The following CNRIP1 variants were observed in gnomAD, a reference collection of about 807,000 sequenced individuals.
CNRIP1 encodes CB1 cannabinoid receptor-interacting protein 1.
A neutral mutation model predicts 15.2 loss-of-function variants in CNRIP1; 10 were observed. The ratio of observed to expected loss-of-function variants is 0.66; its 90% confidence interval spans 0.41 to 1.12. The LOEUF (loss-of-function observed/expected upper bound fraction) is 1.12. CNRIP1 is among the 50% of genes most tolerant of loss of function. The pLI is 0.00. For synonymous variants in CNRIP1, 91 were observed against 83.2 expected (o/e 1.09, Z -0.51); for missense variants, 211 against 214.7 (o/e 0.98, Z 0.11).
At chr2:68,290,660 CAT>C (rs1224471267), downstream of CNRIP1, among the ~76,000 whole-genome samples, 4 of 152,192 alleles carry the variant, frequency 2.6e-5, no homozygotes, top group Non-Finnish European at 4.4e-5. Context: ...GATCACCCCA[CAT>C]GTTAGAATTG....
chr2:68,319,511 G>T lies in CNRIP1; in HGVS notation c.-111C>A. On this transcript the variant is annotated 5_prime_UTR_variant, in exon 1 of 3. Coordinates refer to ENST00000263655, the MANE Select transcript of CNRIP1 (RefSeq NM_015463.3). ...GAGGAAGCGCGGGGAGGGTGAGGGA[G>T]GTGGTGGAGCTGAGGCTGCCGCTAG... The T allele has an allele frequency of 8.5e-7, 1 of 1,182,554 alleles. No homozygotes were observed. The highest frequency in any genetic ancestry group is 1.1e-6 in the Non-Finnish European group (1 of 883,260). The allele number at this position is 1,182,554 out of a possible 1,614,324, so 73.3% of individuals were successfully genotyped here. A position where few individuals can be genotyped will look rare whatever the true frequency, so the allele number is the denominator to read the frequency against.
chr2:68,319,326 G>C lies in CNRIP1; in HGVS notation c.75C>G (p.Tyr25Ter). The change falls in exon 1 of 3, where the codon TAC becomes TAG. Residue 25 changes from tyrosine (Y) to a stop codon, truncating the protein, a stop_gained. Coordinates refer to ENST00000263655, the MANE Select transcript of CNRIP1 (RefSeq NM_015463.3). LOFTEE classifies it high-confidence loss of function. ...RIQPNDGPVF[Y>*]KVDGQRFGQN... ...GGCCGAAGCGCTGCCCGTCCACCTT[G>C]TAAAAGACCGGGCCGTCATTAGGCT... 1.9e-6 allele frequency: 3 copies of C among 1,566,974 alleles called. No homozygotes were observed. Among genetic ancestry groups the C allele is most frequent in the Non-Finnish European group, 1.7e-6 (2 of 1,155,650 alleles).
intron 2 of CNRIP1, among the ~76,000 whole-genome samples, chr2:68,285,101 G>A (rs756718732): frequency 1.2e-4 from 19 of 152,114 alleles, no homozygotes; most frequent in Non-Finnish European, 2.5e-4. Context: ...ACAAGTTCAC[G>A]CCAACTCATT....
downstream of CNRIP1, among the ~76,000 whole-genome samples, chr2:68,288,905 G>A (rs568190984): frequency 3.5e-4 from 53 of 152,282 alleles, no homozygotes; most frequent in African/African-American, 7.9e-4. Context: ...GGAGCTTTAC[G>A]TATGATATAT....
intron 2 of CNRIP1, among the ~76,000 whole-genome samples, chr2:68,285,310 C>T (rs998108528): frequency 1.4e-5 from 2 of 145,132 alleles, no homozygotes; most frequent in African/African-American, 5.1e-5. Context: ...CCAAGATAGA[C>T]AAGCTCCAAA....
At chr2:68,297,567 C>CAAAAAAAAAAAAAAAAAAAAAAAA (rs112601365) in intron 2 of CNRIP1, among the ~76,000 whole-genome samples, 1 of 98,870 alleles carries the variant, frequency 1.0e-5, no homozygotes, top group South Asian at 3.0e-4. Flanking sequence ...GACACTGTCT[C>CAAAAAAAAAAAAAAAAAAAAAAAA]AAAAAAAAAA....
At chr2:68,312,389 C>A (rs2103682522) in intron 2 of CNRIP1, among the ~76,000 whole-genome samples, 1 of 152,016 alleles carries the variant, frequency 6.6e-6, no homozygotes, top group African/African-American at 2.4e-5. Context: ...TACAGAAAAA[C>A]TATTTGAAAA....
chr2:68,284,373 G>GTA, exon 3 of CNRIP1: 1 of 1,053,910 alleles, frequency 9.5e-7, no homozygotes. Flanking sequence ...CAAATAATTT[G>GTA]GAAAAAAAAA....
At chr2:68,308,928 G>A (rs1007000048) in intron 2 of CNRIP1, among the ~76,000 whole-genome samples, 1 of 151,840 alleles carries the variant, frequency 6.6e-6, no homozygotes, top group Non-Finnish European at 1.5e-5. Flanking sequence ...GTCCGAAAAA[G>A]GAGTTAAATC....
intron 2 of CNRIP1, among the ~76,000 whole-genome samples, chr2:68,315,564 AAATAC>A (rs1401686003): frequency 2.7e-5 from 4 of 150,810 alleles, no homozygotes; most frequent in Non-Finnish European, 5.9e-5. Context: ...TACATTCATA[AAATAC>A]AATACCCATA....
chr2:68,318,751 C>T (rs931892073), intron 1 of CNRIP1, among the ~76,000 whole-genome samples: 2 of 152,220 alleles, frequency 1.3e-5, no homozygotes, highest in Non-Finnish European at 2.9e-5. Context: ...ATCACCCCTC[C>T]CCTGCCTTTC....
At chr2:68,319,118 C>G in intron 1 of CNRIP1, 104 bp downstream of exon 1, 1 of 1,222,894 alleles carries the variant, frequency 8.2e-7, no homozygotes, top group Non-Finnish European at 1.1e-6. Context: ...CTGGGAGCGG[C>G]GCGAGGCCAG....
At chr2:68,316,753 T>C in intron 2 of CNRIP1, 1 of 344,978 alleles carries the variant, frequency 2.9e-6, no homozygotes, top group Non-Finnish European at 5.3e-6. Flanking sequence ...TTTTTTTGGC[T>C]CCTCCATTTA....
At chr2:68,312,513 T>C (rs1364841738) in intron 2 of CNRIP1, among the ~76,000 whole-genome samples, 3 of 152,226 alleles carry the variant, frequency 2.0e-5, no homozygotes, top group Non-Finnish European at 4.4e-5. Flanking sequence ...TACTATACTT[T>C]GTATTGAAAA....
At chr2:68,306,314 C>T (rs1193927295) in intron 2 of CNRIP1, among the ~76,000 whole-genome samples, 1 of 132,122 alleles carries the variant, frequency 7.6e-6, no homozygotes, top group Non-Finnish European at 1.6e-5. Context: ...ATAGTGAGAT[C>T]CTATCTCAAA....
chr2:68,313,180 T>A (rs1672151810), intron 2 of CNRIP1, among the ~76,000 whole-genome samples: 1 of 152,104 alleles, frequency 6.6e-6, no homozygotes, highest in African/African-American at 2.4e-5. Context: ...TCTTTGGAAT[T>A]TCCAAATTAA....
chr2:68,293,699 G>T lies in CNRIP1; in HGVS notation c.*163C>A, dbSNP rs1211996529. ...CACCATCTTGTATGTGAGGGATATT[G>T]TGTCAGAGGGGAATTACACTTTCAA... is the stretch of plus-strand genomic sequence containing the variant. On this transcript the variant is annotated 3_prime_UTR_variant, in exon 3 of 3. Transcript: ENST00000263655. The T allele has an allele frequency of 1.4e-6, 2 of 1,395,004 alleles. No individual in the cohort carries two copies. The highest frequency in any genetic ancestry group is 5.1e-5 in the East Asian group (2 of 39,252). 86.4% of individuals were successfully genotyped at this position (1,395,004 alleles called of 1,614,324 possible). A position where few individuals can be genotyped will look rare whatever the true frequency, so the allele number is the denominator to read the frequency against.
chr2:68,284,426 G>A, exon 3 of CNRIP1: 2 of 1,513,844 alleles, frequency 1.3e-6, no homozygotes, highest in Non-Finnish European at 1.8e-6. Context: ...TGAAGAATGT[G>A]CTTATTCTTC....
intron 2 of CNRIP1, among the ~76,000 whole-genome samples, chr2:68,311,669 G>C (rs1214342107): frequency 6.6e-6 from 1 of 151,570 alleles, no homozygotes; most frequent in Non-Finnish European, 1.5e-5. Flanking sequence ...CAGCTACTTG[G>C]GAGGCCGAGG....
Sources: gnomAD v4.1 joint callset for allele counts (sites outside exome capture counted in the v4.1 genomes callset) on GRCh38, gnomAD v4.1.1 for gene constraint, MANE v1.5 for transcripts, NCBI Gene and HGNC (gene_info 2026-07-23, HGNC 2026-07-21) for gene names.